The following LNX1 variants were observed in gnomAD, a reference collection of about 807,000 sequenced individuals.
The protein encoded by LNX1 is E3 ubiquitin-protein ligase LNX.
A neutral mutation model predicts 68.4 loss-of-function variants in LNX1; 54 were observed. The ratio of observed to expected loss-of-function variants is 0.79; its 90% CI spans 0.63 to 0.99. LNX1 has a LOEUF of 0.99. Ranked by LOEUF, LNX1 falls within the 50% of genes least tolerant of loss-of-function variation. LNX1 has a pLI of 0.00. For missense variants in LNX1, 906 were observed against 926.4 expected, an observed-to-expected ratio of 0.98 and a Z score of 0.29; for synonymous variants, 336 against 350.0, an observed-to-expected ratio of 0.96 and a Z score of 0.45.
At chr4:53,502,178 T>C (rs1388069035) in intron 4 of LNX1, among the ~76,000 whole-genome samples, 2 of 152,324 alleles carry the variant, frequency 1.3e-5, no homozygotes, top group East Asian at 3.9e-4. Flanking sequence ...CTAAGCTACT[T>C]GAATGCATTT....
At chr4:53,492,079 G>A (rs537451825) in intron 6 of LNX1, among the ~76,000 whole-genome samples, 13 of 152,238 alleles carry the variant, frequency 8.5e-5, no homozygotes, top group South Asian at 8.3e-4. Flanking sequence ...GAGCCACTGC[G>A]CTTGGCTGAG....
At chr4:53,602,022 C>G (rs1733037542) in intron 2 of LNX1, among the ~76,000 whole-genome samples, 1 of 152,076 alleles carries the variant, frequency 6.6e-6, no homozygotes, top group Non-Finnish European at 1.5e-5. Flanking sequence ...TGGAAATGAT[C>G]CCATGAAATT....
At chr4:53,570,520 G>A (rs1228851199) in intron 2 of LNX1, among the ~76,000 whole-genome samples, 6 of 117,212 alleles carry the variant, frequency 5.1e-5, no homozygotes, top group African/African-American at 9.5e-5. Context: ...GTTGTGGGGT[G>A]GGGGGAGGGG....
chr4:53,519,873 A>G (rs1346662673), intron 2 of LNX1, among the ~76,000 whole-genome samples: 4 of 152,232 alleles, frequency 2.6e-5, no homozygotes, highest in Non-Finnish European at 5.9e-5. Flanking sequence ...CAACCATCTC[A>G]GATTGCCCAG....
intron 2 of LNX1, chr4:53,557,925 G>T: frequency 6.2e-7 from 1 of 1,613,584 alleles, no homozygotes; most frequent in Non-Finnish European, 8.5e-7. Context: ...GTAGTTAGCA[G>T]GACTGAGCCA....
At chr4:53,508,342 T>G in intron 2 of LNX1, 115 bp from the exon 3 acceptor site, 1 of 1,304,748 alleles carries the variant, frequency 7.7e-7, no homozygotes, top group Non-Finnish European at 1.0e-6. Context: ...AACTTGGAAT[T>G]TGATTTGCCT....
intron 2 of LNX1, among the ~76,000 whole-genome samples, chr4:53,611,014 C>T (rs1733472918): frequency 6.6e-6 from 1 of 151,788 alleles, no homozygotes; most frequent in Non-Finnish European, 1.5e-5. Context: ...TTGATGGTAG[C>T]AAATTTTAAA....
upstream of LNX1, among the ~76,000 whole-genome samples, chr4:53,619,591 A>C (rs577396201): frequency 6.6e-6 from 1 of 152,290 alleles, no homozygotes; most frequent in South Asian, 2.1e-4. Context: ...GGTATACAGC[A>C]CATGTTGTTT....
chr4:53,551,582 A>G (rs1241130346), intron 2 of LNX1, among the ~76,000 whole-genome samples: 2 of 152,162 alleles, frequency 1.3e-5, no homozygotes, highest in Non-Finnish European at 2.9e-5. Flanking sequence ...TCACCCCCCA[A>G]GTGCCTGAAT....
At chr4:53,622,373 T>C (rs1408358378), upstream of LNX1, among the ~76,000 whole-genome samples, 1 of 152,238 alleles carries the variant, frequency 6.6e-6, no homozygotes, top group Admixed American at 6.5e-5. Flanking sequence ...CCTTGCATTT[T>C]AATGTCCCGG....
At chr4:53,652,436 C>G (rs1735142971) in exon 1 of LNX1, 1 of 152,282 alleles carries the variant, frequency 6.6e-6, no homozygotes, top group African/African-American at 2.4e-5. Context: ...GAGTGGTCCC[C>G]TGCAGAGCAG....
At chr4:53,613,701 T>C (rs1156374386) in intron 2 of LNX1, among the ~76,000 whole-genome samples, 2 of 152,214 alleles carry the variant, frequency 1.3e-5, no homozygotes, top group Admixed American at 1.3e-4. Context: ...CTTTATCCAG[T>C]CTATGATTGA....
intron 9 of LNX1, among the ~76,000 whole-genome samples, chr4:53,475,913 A>C (rs548076019): frequency 1.3e-5 from 2 of 152,338 alleles, no homozygotes; most frequent in South Asian, 4.1e-4. Flanking sequence ...GAGATGATCT[A>C]AGAAATGTCT....
chr4:53,617,362 G>T (rs1733717148), exon 1 of LNX1: 1 of 152,174 alleles, frequency 6.6e-6, no homozygotes, highest in South Asian at 2.1e-4. Context: ...CAATAGGCCA[G>T]ACTAACCTGT....
chr4:53,569,152 G>GA (rs1273954533), intron 2 of LNX1, among the ~76,000 whole-genome samples: 1 of 151,936 alleles, frequency 6.6e-6, no homozygotes, highest in African/African-American at 2.4e-5. Context: ...CACAGAATTG[G>GA]AAAAAACTAC....
intron 2 of LNX1, among the ~76,000 whole-genome samples, chr4:53,517,856 G>A (rs1579455284): frequency 6.6e-6 from 1 of 152,158 alleles, no homozygotes; most frequent in African/African-American, 2.4e-5. Flanking sequence ...GTCATCAGCT[G>A]GGCAAGTCCA....
At chr4:53,492,460 G>A (rs77617175) in intron 6 of LNX1, among the ~76,000 whole-genome samples, 2,691 of 146,362 alleles carry the variant, frequency 0.018, 87 homozygotes, top group African/African-American at 0.064. Context: ...CCATAGTAAC[G>A]ATCTGCAACT....
chr4:53,646,554 TG>T (rs1560706417), intron 1 of LNX1, among the ~76,000 whole-genome samples: 1 of 152,246 alleles, frequency 6.6e-6, no homozygotes, highest in Admixed American at 6.5e-5. Context: ...CTACATTTTT[TG>T]CTGAGTGAAT....
At chr4:53,507,537 G>T in intron 3 of LNX1, 68 bp from the exon 4 acceptor site, 12 of 1,464,440 alleles carry the variant, frequency 8.2e-6, no homozygotes, top group South Asian at 1.2e-5. Context: ...GTACATATCT[G>T]ATAAGATATA....
Sources: gnomAD v4.1 joint callset for allele counts (sites outside exome capture counted in the v4.1 genomes callset) on GRCh38, gnomAD v4.1.1 for gene constraint, MANE v1.5 for transcripts, NCBI Gene and HGNC (gene_info 2026-07-23, HGNC 2026-07-21) for gene names.